The following NELL1 variants were observed in gnomAD, a reference collection of about 807,000 sequenced individuals.
NELL1 encodes the protein neural EGFL like 1.
In NELL1, 76 loss-of-function variants were observed where a neutral mutation model predicts 107.4. The ratio of observed to expected loss-of-function variants is 0.71; its 90% CI spans 0.59 to 0.86. The LOEUF is 0.86. NELL1 is among the 40% of genes least tolerant of loss of function. NELL1 has a pLI of 0.00. For missense variants in NELL1, 1,024 were observed against 1,005.5 expected (o/e 1.02, Z -0.25); for synonymous variants, 353 against 341.2 (o/e 1.03, Z -0.38).
At chr11:20,866,158 G>C (rs1466166913) in intron 4 of NELL1, among the ~76,000 whole-genome samples, 1 of 152,218 alleles carries the variant, frequency 6.6e-6, no homozygotes, top group Non-Finnish European at 1.5e-5. Context: ...TGCGCAAGGA[G>C]CTTGAAGTGG....
chr11:20,749,592 C>T (rs561793061), intron 2 of NELL1, among the ~76,000 whole-genome samples: 1 of 151,970 alleles, frequency 6.6e-6, no homozygotes, highest in Non-Finnish European at 1.5e-5. Context: ...CAGAGAAAGA[C>T]CCTTTCTCAA....
At chr11:20,712,885 G>A (rs1369678085) in intron 2 of NELL1, among the ~76,000 whole-genome samples, 2 of 152,186 alleles carry the variant, frequency 1.3e-5, no homozygotes, top group African/African-American at 2.4e-5. Context: ...AGGTGGCAGG[G>A]GAGTAAAATA....
chr11:21,519,642 C>T (rs1855668808), intron 15 of NELL1, among the ~76,000 whole-genome samples: 1 of 151,664 alleles, frequency 6.6e-6, no homozygotes. Context: ...AGGTGTATCA[C>T]TCAGGGTAGA....
chr11:20,924,895 A>G (rs146329511), intron 7 of NELL1, among the ~76,000 whole-genome samples: 2 of 152,340 alleles, frequency 1.3e-5, no homozygotes, highest in South Asian at 2.1e-4. Flanking sequence ...TCAACCAACC[A>G]TGGACCAACA....
intron 2 of NELL1, among the ~76,000 whole-genome samples, chr11:20,703,024 G>C (rs146808569): frequency 3.9e-5 from 6 of 152,308 alleles, no homozygotes; most frequent in Non-Finnish European, 8.8e-5. Context: ...TATAAAGTGA[G>C]TTAGGGAGGA....
At chr11:21,520,418 C>G (rs1855689602) in intron 15 of NELL1, among the ~76,000 whole-genome samples, 1 of 152,048 alleles carries the variant, frequency 6.6e-6, no homozygotes, top group South Asian at 2.1e-4. Context: ...TGTGCCAGTA[C>G]TATTGATAAG....
chr11:20,808,265 G>T (rs767706999), intron 3 of NELL1, among the ~76,000 whole-genome samples: 1 of 152,056 alleles, frequency 6.6e-6, no homozygotes, highest in Non-Finnish European at 1.5e-5. Context: ...TTTCAAGTCA[G>T]CAGGTTCCCC....
intron 15 of NELL1, among the ~76,000 whole-genome samples, chr11:21,398,065 T>G (rs1159961420): frequency 6.6e-6 from 1 of 151,296 alleles, no homozygotes; most frequent in African/African-American, 2.4e-5. Flanking sequence ...TATATAAATT[T>G]AAAATATGTA....
chr11:20,761,659 G>T (rs1463757465), intron 2 of NELL1, among the ~76,000 whole-genome samples: 1 of 152,122 alleles, frequency 6.6e-6, no homozygotes, highest in Non-Finnish European at 1.5e-5. Flanking sequence ...TTTAGCGAAG[G>T]AATGACTTTA....
At chr11:21,387,306 C>G (rs1411576580) in intron 15 of NELL1, among the ~76,000 whole-genome samples, 1 of 151,800 alleles carries the variant, frequency 6.6e-6, no homozygotes, top group Non-Finnish European at 1.5e-5. Flanking sequence ...GCACTTTTCA[C>G]CATTAAAGAC....
intron 15 of NELL1, among the ~76,000 whole-genome samples, chr11:21,417,999 T>C (rs1244980502): frequency 6.6e-6 from 1 of 152,098 alleles, no homozygotes; most frequent in Non-Finnish European, 1.5e-5. Context: ...ATGCAAATTC[T>C]TTACATACAC....
chr11:21,373,048 A>C (rs769629212), intron 15 of NELL1, among the ~76,000 whole-genome samples: 2 of 152,074 alleles, frequency 1.3e-5, no homozygotes, highest in Non-Finnish European at 2.9e-5. Context: ...GGAGAATTGC[A>C]TATTCTTGAA....
chr11:21,412,342 A>G (rs1852399457), intron 15 of NELL1, among the ~76,000 whole-genome samples: 1 of 152,074 alleles, frequency 6.6e-6, no homozygotes, highest in Non-Finnish European at 1.5e-5. Context: ...TTGTAATTAA[A>G]TAATAGGAGC....
chr11:21,238,162 A>G (rs1858258728), intron 14 of NELL1, among the ~76,000 whole-genome samples: 1 of 152,060 alleles, frequency 6.6e-6, no homozygotes. Flanking sequence ...GGTTGCTCAG[A>G]TAAAACAATC....
intron 14 of NELL1, among the ~76,000 whole-genome samples, chr11:21,308,014 TTACA>T (rs1849645058): frequency 6.6e-6 from 1 of 152,010 alleles, no homozygotes; most frequent in Non-Finnish European, 1.5e-5. Context: ...GTATGATTAC[TTACA>T]TACAGGAAAA....
At chr11:21,108,664 T>C (rs2133719791) in intron 12 of NELL1, among the ~76,000 whole-genome samples, 1 of 152,288 alleles carries the variant, frequency 6.6e-6, no homozygotes, top group East Asian at 1.9e-4. Context: ...TCTCAAGCGT[T>C]ATGAGTAGAC....
intron 13 of NELL1, among the ~76,000 whole-genome samples, chr11:21,144,003 G>A (rs1413950078): frequency 6.6e-6 from 1 of 152,150 alleles, no homozygotes; most frequent in Non-Finnish European, 1.5e-5. Flanking sequence ...AACAGAACCA[G>A]AAAAACAGGA....
intron 13 of NELL1, among the ~76,000 whole-genome samples, chr11:21,219,541 A>G (rs1857700332): frequency 6.6e-6 from 1 of 152,068 alleles, no homozygotes; most frequent in Non-Finnish European, 1.5e-5. Flanking sequence ...CTTACCCTAA[A>G]ATCTCTGCCC....
At chr11:21,027,670 T>A (rs1217534812) in intron 12 of NELL1, among the ~76,000 whole-genome samples, 1 of 152,214 alleles carries the variant, frequency 6.6e-6, no homozygotes, top group Non-Finnish European at 1.5e-5. Flanking sequence ...TCTTAGGTTC[T>A]GGGATTCTTC....
Sources: gnomAD v4.1 joint callset for allele counts (sites outside exome capture counted in the v4.1 genomes callset) on GRCh38, gnomAD v4.1.1 for gene constraint, MANE v1.5 for transcripts, NCBI Gene and HGNC (gene_info 2026-07-23, HGNC 2026-07-21) for gene names.